Variants in NTRK3 observed in about 807,000 individuals in gnomAD.
NTRK3 encodes neurotrophic receptor tyrosine kinase 3.
Under a neutral mutation model 91.7 loss-of-function variants are expected in NTRK3, and 24 were observed. That is an observed-to-expected ratio of 0.26 (90% CI 0.19 to 0.37). NTRK3 has a LOEUF of 0.37. NTRK3 is among the 10% of genes least tolerant of loss of function. The pLI is 1.00. For missense variants in NTRK3, 880 were observed against 1,068.9 expected (o/e 0.82, Z 2.46); for synonymous variants, 483 against 404.0 (o/e 1.20, Z -2.34).
At chr15:87,969,544 A>T (rs182184703) in intron 14 of NTRK3, among the ~76,000 whole-genome samples, 1 of 152,348 alleles carries the variant, frequency 6.6e-6, no homozygotes, top group African/African-American at 2.4e-5. Flanking sequence ...ATAAACTATC[A>T]TGTGAAGCCA....
chr15:87,871,265 T>C (rs1007387829), exon 19 of NTRK3: 3 of 231,118 alleles, frequency 1.3e-5, no homozygotes, highest in African/African-American at 6.6e-5. Flanking sequence ...AAAATATGCT[T>C]GAGGAGAATG....
chr15:87,949,074 T>C, intron 14 of NTRK3, among the ~76,000 whole-genome samples: 1 of 151,940 alleles, frequency 6.6e-6, no homozygotes, highest in East Asian at 1.9e-4. Flanking sequence ...AACTATATGA[T>C]GAATGGGCAA....
chr15:88,167,113 C>T (rs1433957554), intron 5 of NTRK3, among the ~76,000 whole-genome samples: 1 of 152,124 alleles, frequency 6.6e-6, no homozygotes, highest in African/African-American at 2.4e-5. Context: ...CATATAATCA[C>T]CTAATAGAGA....
At chr15:87,907,267 T>G (rs1439132620) in intron 17 of NTRK3, among the ~76,000 whole-genome samples, 8 of 152,202 alleles carry the variant, frequency 5.3e-5, no homozygotes, top group Admixed American at 3.3e-4. Flanking sequence ...CTATAATGGT[T>G]CTGCTTGCAA....
intron 13 of NTRK3, among the ~76,000 whole-genome samples, chr15:88,050,517 A>ATG (rs1031899076): frequency 3.7e-5 from 4 of 108,894 alleles, no homozygotes; most frequent in Non-Finnish European, 7.5e-5. Context: ...GTGTGTGTGT[A>ATG]TGTGTGTGTG....
intron 13 of NTRK3, among the ~76,000 whole-genome samples, chr15:88,056,860 A>G (rs12593085): frequency 0.33 from 50,080 of 152,154 alleles, 8,348 homozygotes; most frequent in Non-Finnish European, 0.36. Context: ...TCTCATTCAT[A>G]TGGTATCAAG....
chr15:88,135,932 T>C (rs774328292), exon 9 of NTRK3: 6 of 1,614,242 alleles, frequency 3.7e-6, no homozygotes, highest in Non-Finnish European at 5.1e-6. Flanking sequence ...GCATTGCTCA[T>C]GCCCACCACG....
intron 17 of NTRK3, among the ~76,000 whole-genome samples, chr15:87,893,206 A>C (rs1359856011): frequency 6.6e-6 from 1 of 152,042 alleles, no homozygotes; most frequent in African/African-American, 2.4e-5. Context: ...ACCCCTCCTC[A>C]AGCCATCAGC....
chr15:88,066,612 G>C (rs2142585657), intron 13 of NTRK3, among the ~76,000 whole-genome samples: 1 of 152,312 alleles, frequency 6.6e-6, no homozygotes, highest in Admixed American at 6.5e-5. Flanking sequence ...AGAGACAAGG[G>C]AGGGGAGAAG....
chr15:88,127,851 G>A (rs1050369035), intron 11 of NTRK3, among the ~76,000 whole-genome samples: 2 of 152,174 alleles, frequency 1.3e-5, no homozygotes, highest in Non-Finnish European at 2.9e-5. Context: ...GCAAGGCCAG[G>A]ATGGGAAGCT....
intron 13 of NTRK3, among the ~76,000 whole-genome samples, chr15:88,054,860 G>A (rs543203494): frequency 6.6e-6 from 1 of 152,032 alleles, no homozygotes; most frequent in South Asian, 2.1e-4. Flanking sequence ...TTTTTCCAAA[G>A]TGCAAGTGAT....
chr15:88,178,567 G>A (rs2151569084), intron 5 of NTRK3, among the ~76,000 whole-genome samples: 1 of 152,300 alleles, frequency 6.6e-6, no homozygotes, highest in East Asian at 1.9e-4. Context: ...AAATAACTTA[G>A]TCCGGCATCC....
intron 17 of NTRK3, among the ~76,000 whole-genome samples, chr15:87,922,669 G>A (rs1324021090): frequency 2.0e-5 from 3 of 152,160 alleles, no homozygotes; most frequent in Non-Finnish European, 4.4e-5. Flanking sequence ...AAACAATACA[G>A]GCTTTTAGTC....
chr15:88,146,178 C>T lies in NTRK3; in HGVS notation c.464+1157G>A, dbSNP rs1256853972. On this transcript the variant is annotated intron_variant, in intron 6 of 18. Transcript: ENST00000394480. ...AAATCGTAGTAGTCATGTTAATTTA[C>T]CTTTTCCACCTACAGTACACAAGGT... 2.0e-5 allele frequency among the ~76,000 whole-genome samples: 3 copies of T among 152,168 alleles called. No homozygotes were observed. In the East Asian group the frequency reaches 5.8e-4, roughly 29 times the overall value.
At chr15:88,028,764 C>G (rs965780406) in intron 14 of NTRK3, among the ~76,000 whole-genome samples, 20 of 152,138 alleles carry the variant, frequency 1.3e-4, no homozygotes, top group African/African-American at 4.6e-4. Flanking sequence ...CCCAGATGGT[C>G]TCTGTTTTCT....
intron 14 of NTRK3, chr15:87,977,966 C>A (rs2073870557): frequency 4.3e-6 from 1 of 232,896 alleles, no homozygotes; most frequent in East Asian, 6.1e-5. Context: ...GTTAAAACAA[C>A]CACCTTTTTC....
intron 3 of NTRK3, among the ~76,000 whole-genome samples, chr15:88,216,287 C>T (rs999444149): frequency 2.0e-5 from 3 of 152,136 alleles, no homozygotes; most frequent in Non-Finnish European, 4.4e-5. Flanking sequence ...GACTGTCTCC[C>T]GAAATCAGAT....
exon 19 of NTRK3, chr15:87,868,360 T>G (rs1417447138): frequency 8.9e-6 from 2 of 225,758 alleles, no homozygotes; most frequent in Non-Finnish European, 1.8e-5. Flanking sequence ...TTCCAATTCA[T>G]AAACACAGTG....
intron 10 of NTRK3, chr15:88,132,061 A>C: frequency 5.2e-6 from 1 of 191,928 alleles, no homozygotes; most frequent in Non-Finnish European, 1.1e-5. Flanking sequence ...ACAACCTTTA[A>C]GGTAAAAGCA....
Sources: gnomAD v4.1 joint callset for allele counts (sites outside exome capture counted in the v4.1 genomes callset) on GRCh38, gnomAD v4.1.1 for gene constraint, MANE v1.5 for transcripts, NCBI Gene and HGNC (gene_info 2026-07-23, HGNC 2026-07-21) for gene names.